The following ANKS1A variants were observed in gnomAD, a reference collection of about 807,000 sequenced individuals.
ANKS1A encodes ankyrin repeat and sterile alpha motif domain containing 1A.
A neutral mutation model predicts 120.3 loss-of-function variants in ANKS1A; 55 were observed. That is an observed-to-expected ratio of 0.46 (90% CI 0.37 to 0.57). The LOEUF (loss-of-function observed/expected upper bound fraction) is 0.57, where lower values mean the gene tolerates loss of function less well. ANKS1A is among the 20% of genes least tolerant of loss of function. The probability of loss-of-function intolerance (pLI) is 0.00; values close to 1 mark genes in which losing one functional copy is unlikely to be tolerated. For synonymous variants in ANKS1A, 590 were observed against 604.7 expected, an observed-to-expected ratio of 0.98 and a Z score of 0.36; for missense variants, 1,123 against 1,480.3, an observed-to-expected ratio of 0.76 and a Z score of 3.96.
At chr6:34,973,858 GCCCT>G (rs1771312742) in intron 3 of ANKS1A, among the ~76,000 whole-genome samples, 1 of 28,254 alleles carries the variant, frequency 3.5e-5, no homozygotes. Flanking sequence ...CCTTCCCCTT[GCCCT>G]CCCCTTCCCT....
chr6:35,086,657 T>G lies in ANKS1A; in HGVS notation c.3304-295T>G, dbSNP rs1210669469. Among the ~76,000 whole-genome samples the G allele has an allele frequency of 1.3e-5, 2 of 152,040 alleles. No individual in the cohort carries two copies. Among genetic ancestry groups the G allele is most frequent in the African/African-American group, 4.8e-5 (2 of 41,404 alleles). On this transcript the variant is annotated intron_variant, in intron 22 of 23. Transcript: ENST00000360359. The surrounding 1 kb of genome is among the most constrained non-coding windows in gnomAD (Gnocchi z 5.1). Reference sequence around the variant, plus strand: ...AGCCCCATATCCCCTTCCTGCCCAGTGTGAGTGGGTCTGGGGCTTAGAGCA... The same window carrying G: ...AGCCCCATATCCCCTTCCTGCCCAGGGTGAGTGGGTCTGGGGCTTAGAGCA...
intron 1 of ANKS1A, among the ~76,000 whole-genome samples, chr6:34,962,334 A>G (rs1297022008): frequency 4.6e-5 from 7 of 152,228 alleles, no homozygotes; most frequent in South Asian, 2.1e-4. Flanking sequence ...AAATACATGT[A>G]TCTTGCTTTT....
At chr6:35,056,294 G>A (rs1327833832) in intron 12 of ANKS1A, among the ~76,000 whole-genome samples, 1 of 152,112 alleles carries the variant, frequency 6.6e-6, no homozygotes, top group Non-Finnish European at 1.5e-5. Flanking sequence ...TATTTTTGTT[G>A]TTGTTGTTGT....
intron 1 of ANKS1A, among the ~76,000 whole-genome samples, chr6:34,899,093 A>T (rs1167685779): frequency 6.6e-6 from 1 of 152,266 alleles, no homozygotes; most frequent in African/African-American, 2.4e-5. Flanking sequence ...AACAAGAAAC[A>T]TACATGTTGT....
chr6:35,025,720 T>G (rs867149425), intron 11 of ANKS1A, among the ~76,000 whole-genome samples: 1 of 152,000 alleles, frequency 6.6e-6, no homozygotes, highest in African/African-American at 2.4e-5. Context: ...TTTTTACAGG[T>G]GGAGTTAAGG....
At chr6:35,038,361 G>T (rs1325136097) in intron 11 of ANKS1A, 4 of 455,652 alleles carry the variant, frequency 8.8e-6, no homozygotes, top group Non-Finnish European at 1.8e-5. Context: ...GTTTCGACCG[G>T]TCCACGATGA....
At chr6:35,014,874 C>T (rs1191198990) in intron 10 of ANKS1A, among the ~76,000 whole-genome samples, 1 of 152,184 alleles carries the variant, frequency 6.6e-6, no homozygotes, top group Non-Finnish European at 1.5e-5. Flanking sequence ...CTGATTAACT[C>T]TCCCCATCAG....
At chr6:35,056,874 C>A (rs1776250853) in intron 12 of ANKS1A, among the ~76,000 whole-genome samples, 1 of 152,064 alleles carries the variant, frequency 6.6e-6, no homozygotes, top group Admixed American at 6.5e-5. Context: ...TGAACCCTGT[C>A]TGATGGGTCA....
chr6:34,963,051 G>A (rs1314545022), intron 1 of ANKS1A, among the ~76,000 whole-genome samples: 5 of 151,480 alleles, frequency 3.3e-5, no homozygotes, highest in South Asian at 2.1e-4. Flanking sequence ...TAGTAGAGGC[G>A]GGGTTTCGCC....
intron 1 of ANKS1A, among the ~76,000 whole-genome samples, chr6:34,942,887 TC>T (rs1040850239): frequency 3.3e-5 from 5 of 151,534 alleles, no homozygotes; most frequent in African/African-American, 9.7e-5. Flanking sequence ...CCCTTTCCTT[TC>T]CTTTTCTTTC....
intron 1 of ANKS1A, among the ~76,000 whole-genome samples, chr6:34,936,683 C>T (rs1429299835): frequency 5.3e-5 from 8 of 152,112 alleles, no homozygotes; most frequent in African/African-American, 1.7e-4. Flanking sequence ...ATGATAATGG[C>T]GGTGATAGCT....
intron 13 of ANKS1A, among the ~76,000 whole-genome samples, chr6:35,075,590 A>C (rs1394360207): frequency 1.3e-5 from 2 of 151,978 alleles, no homozygotes; most frequent in Non-Finnish European, 2.9e-5. Context: ...TAATTTTTGT[A>C]TATTTAGTAG....
intron 11 of ANKS1A, among the ~76,000 whole-genome samples, chr6:35,051,203 A>AAAAAG (rs560713644): frequency 2.6e-5 from 4 of 152,090 alleles, no homozygotes; most frequent in Non-Finnish European, 4.4e-5. Flanking sequence ...CAAAGAAAAA[A>AAAAAG]AAAAGAAAAG....
chr6:34,889,265 T>C lies in ANKS1A; in HGVS notation c.-138T>C, dbSNP rs1024371176. On this transcript the variant is annotated 5_prime_UTR_variant, in exon 1 of 24. Transcript: ENST00000360359. The surrounding 1 kb of genome is among the most constrained non-coding windows in gnomAD (Gnocchi z 5.5). ...ACGCCGGATCCCGGAAGTGACGCGC[T>C]CGTGGGGAAAAGGCAGGGAGGGGGT... 4.3e-6 allele frequency: 5 copies of C among 1,160,000 alleles called. No homozygotes were observed. Among genetic ancestry groups the C allele is most frequent in the African/African-American group, 1.6e-5 (1 of 62,388 alleles). 71.9% of individuals were successfully genotyped at this position (1,160,000 alleles called of 1,614,324 possible). A position where few individuals can be genotyped will look rare whatever the true frequency, so the allele number is the denominator to read the frequency against.
At chr6:34,990,709 A>G (rs769130819) in intron 9 of ANKS1A, among the ~76,000 whole-genome samples, 1 of 152,190 alleles carries the variant, frequency 6.6e-6, no homozygotes, top group Non-Finnish European at 1.5e-5. Context: ...CACAGTGTCA[A>G]GAAGTGGTGG....
In ANKS1A at chr6:34,948,299, C is replaced by T. The variant is rs543684717; in HGVS notation, c.198-18940C>T. On this transcript the variant is annotated intron_variant, in intron 1 of 23. Coordinates refer to ENST00000360359, the MANE Select transcript of ANKS1A (RefSeq NM_015245.3). ...TAGTTTAAGCAGAAAAGCTTTAAGG[C>T]AGCAAAATTTGATCTGTATAACCTG... 3.5e-4 allele frequency among the ~76,000 whole-genome samples: 54 copies of T among 152,148 alleles called. No homozygotes were observed. The South Asian group carries it at 1.0e-2, about 28-fold the overall frequency.
At chr6:35,047,243 C>T (rs1031807381) in intron 11 of ANKS1A, among the ~76,000 whole-genome samples, 1 of 152,200 alleles carries the variant, frequency 6.6e-6, no homozygotes, top group Non-Finnish European at 1.5e-5. Flanking sequence ...CAGAATCCTA[C>T]ATTTGACCAC....
At chr6:35,076,210 T>G (rs1385008001) in intron 13 of ANKS1A, among the ~76,000 whole-genome samples, 2 of 152,012 alleles carry the variant, frequency 1.3e-5, no homozygotes, top group Non-Finnish European at 2.9e-5. Flanking sequence ...GATCACGAGG[T>G]CAGGAGATCG....
intron 1 of ANKS1A, among the ~76,000 whole-genome samples, chr6:34,903,636 T>C (rs1238106736): frequency 6.6e-6 from 1 of 152,174 alleles, no homozygotes; most frequent in African/African-American, 2.4e-5. Context: ...TAGCTGGGAC[T>C]ACAGGCACGT....
Sources: allele counts gnomAD v4.1 joint callset (sites outside exome capture counted in the v4.1 genomes callset), GRCh38; gene constraint gnomAD v4.1.1; non-coding constraint Gnocchi (gnomAD v3.1); transcripts MANE v1.5; gene names NCBI Gene and HGNC (gene_info 2026-07-23, HGNC 2026-07-21).